ERC2: variants seen among roughly 807,000 people sequenced by gnomAD.
ERC2 encodes ELKS/RAB6-interacting/CAST family member 2.
A neutral mutation model predicts 114.8 loss-of-function variants in ERC2; 42 were observed. That is an observed-to-expected ratio of 0.37 (90% CI 0.29 to 0.47). The LOEUF (loss-of-function observed/expected upper bound fraction) is 0.47. ERC2 is among the 20% of genes least tolerant of loss of function. ERC2 has a pLI of 0.99. For synonymous variants in ERC2, 454 were observed against 425.5 expected, an observed-to-expected ratio of 1.07 and a Z score of -0.82; for missense variants, 939 against 1,150.7, an observed-to-expected ratio of 0.82 and a Z score of 2.66.
intron 2 of ERC2, among the ~76,000 whole-genome samples, chr3:56,330,248 A>G (rs549258864): frequency 5.3e-5 from 8 of 152,258 alleles, no homozygotes; most frequent in South Asian, 4.1e-4. Flanking sequence ...TATGTTGCCC[A>G]CACTGGTCTC....
intron 12 of ERC2, among the ~76,000 whole-genome samples, chr3:55,956,727 C>A (rs1453070325): frequency 6.6e-6 from 1 of 152,134 alleles, no homozygotes; most frequent in African/African-American, 2.4e-5. Context: ...GGCAGCCTCT[C>A]CAGAACAGCC....
intron 2 of ERC2, among the ~76,000 whole-genome samples, chr3:56,376,762 CA>C (rs5849150): frequency 0.65 from 92,822 of 142,890 alleles, 29,857 homozygotes; most frequent in East Asian, 0.84. Flanking sequence ...GACTCTGTCT[CA>C]AAAAAAAAAA....
At chr3:56,253,763 G>A (rs1290010383) in intron 3 of ERC2, among the ~76,000 whole-genome samples, 1 of 152,154 alleles carries the variant, frequency 6.6e-6, no homozygotes, top group Non-Finnish European at 1.5e-5. Flanking sequence ...AGACTCCCCA[G>A]GTCTGTTGTG....
At position 55,839,289 on chromosome 3, in the gene ERC2, C is replaced by G. The variant is rs1036952241; in HGVS notation, c.2564+49100G>C. Reference sequence around the variant, plus strand: ...AAAGACTTCTTCAGCTAAAAAAAAGCTTATAGAATTCTTCACTAGTAGATC... The same window carrying G: ...AAAGACTTCTTCAGCTAAAAAAAAGGTTATAGAATTCTTCACTAGTAGATC... On this transcript the variant is annotated intron_variant, in intron 14 of 17. Coordinates refer to ENST00000288221, the MANE Select transcript of ERC2 (RefSeq NM_015576.3). Among the ~76,000 whole-genome samples, 10 of 151,700 alleles carry G rather than the reference C, an allele frequency of 6.6e-5. No individual in the cohort carries two copies. The East Asian group carries it at 1.7e-3, about 26-fold the overall frequency.
chr3:56,144,129 T>C (rs1241270498), intron 5 of ERC2, among the ~76,000 whole-genome samples: 1 of 152,244 alleles, frequency 6.6e-6, no homozygotes. Context: ...TGACTGCTTA[T>C]CAATGTGCCC....
At chr3:56,340,064 C>T (rs1320808973) in intron 2 of ERC2, among the ~76,000 whole-genome samples, 1 of 152,126 alleles carries the variant, frequency 6.6e-6, no homozygotes, top group Non-Finnish European at 1.5e-5. Flanking sequence ...TATTTGTTCT[C>T]TTATTAATTA....
intron 3 of ERC2, among the ~76,000 whole-genome samples, chr3:56,246,224 G>T (rs1407903022): frequency 1.3e-5 from 2 of 151,876 alleles, no homozygotes; most frequent in East Asian, 3.9e-4. Flanking sequence ...TCTAAATAAG[G>T]ATTTCCCAAC....
intron 2 of ERC2, among the ~76,000 whole-genome samples, chr3:56,384,614 C>G (rs1036619402): frequency 6.6e-6 from 1 of 152,130 alleles, no homozygotes; most frequent in Non-Finnish European, 1.5e-5. Flanking sequence ...AATCCCTTAA[C>G]AGATATATGA....
chr3:56,152,214 C>T (rs1221932796), intron 4 of ERC2, among the ~76,000 whole-genome samples: 1 of 152,002 alleles, frequency 6.6e-6, no homozygotes, highest in Non-Finnish European at 1.5e-5. Flanking sequence ...ACATAAATGG[C>T]TCTGGAAAGT....
intron 2 of ERC2, among the ~76,000 whole-genome samples, chr3:56,396,517 T>C (rs2060311800): frequency 6.6e-6 from 1 of 152,184 alleles, no homozygotes; most frequent in Admixed American, 6.5e-5. Flanking sequence ...CAAGATGTAT[T>C]GTTCAACAAA....
intron 7 of ERC2, among the ~76,000 whole-genome samples, chr3:56,075,049 A>T (rs1341987957): frequency 6.6e-6 from 1 of 152,202 alleles, no homozygotes; most frequent in Non-Finnish European, 1.5e-5. Context: ...GCCAACATTC[A>T]CCAAAGGGAT....
At chr3:56,089,545 T>C (rs139146942) in intron 6 of ERC2, among the ~76,000 whole-genome samples, 151 of 152,264 alleles carry the variant, frequency 9.9e-4, no homozygotes, top group African/African-American at 3.5e-3. Context: ...ATGAAAAATA[T>C]TGAGATACTC....
chr3:56,396,438 T>C (rs1159799305), intron 2 of ERC2, among the ~76,000 whole-genome samples: 1 of 152,132 alleles, frequency 6.6e-6, no homozygotes, highest in African/African-American at 2.4e-5. Context: ...CAAAGCAAGA[T>C]TCTGTCTTTA....
At chr3:55,762,729 G>A (rs1429822581) in intron 14 of ERC2, among the ~76,000 whole-genome samples, 2 of 151,994 alleles carry the variant, frequency 1.3e-5, no homozygotes, top group Non-Finnish European at 2.9e-5. Context: ...TCACAAATAC[G>A]GCAAAAAAGC....
At chr3:56,095,776 C>G (rs2078031095) in intron 6 of ERC2, among the ~76,000 whole-genome samples, 1 of 152,174 alleles carries the variant, frequency 6.6e-6, no homozygotes, top group Admixed American at 6.5e-5. Context: ...TTAGCCCTTT[C>G]TTGAGGACAG....
At chr3:56,127,859 A>G (rs959910368) in intron 6 of ERC2, among the ~76,000 whole-genome samples, 10 of 152,202 alleles carry the variant, frequency 6.6e-5, no homozygotes, top group African/African-American at 2.2e-4. Flanking sequence ...CGAAGTATAC[A>G]CAATGGGGAA....
At chr3:55,848,282 G>T (rs1312671015) in intron 14 of ERC2, among the ~76,000 whole-genome samples, 2 of 152,022 alleles carry the variant, frequency 1.3e-5, no homozygotes, top group Admixed American at 1.3e-4. Flanking sequence ...TCACTCAATA[G>T]GTATTTTATG....
intron 7 of ERC2, among the ~76,000 whole-genome samples, chr3:56,024,526 C>T (rs150132387): frequency 3.9e-5 from 6 of 152,334 alleles, no homozygotes; most frequent in African/African-American, 9.6e-5. Flanking sequence ...AGAGAGGGTC[C>T]TTCAAAATCC....
chr3:55,544,834 C>A (rs780547190), intron 17 of ERC2, among the ~76,000 whole-genome samples: 2 of 152,172 alleles, frequency 1.3e-5, no homozygotes, highest in Non-Finnish European at 2.9e-5. Flanking sequence ...AGGGCTGTTA[C>A]CTCATCATAT....
Sources: allele counts gnomAD v4.1 joint callset (sites outside exome capture counted in the v4.1 genomes callset), GRCh38; gene constraint gnomAD v4.1.1; transcripts MANE v1.5; gene names NCBI Gene and HGNC (gene_info 2026-07-23, HGNC 2026-07-21).